Variants in IVD observed in about 807,000 individuals in gnomAD.
IVD encodes the protein isovaleryl-CoA dehydrogenase, also known as isovaleryl-CoA dehydrogenase, mitochondrial.
Under a neutral mutation model 51.3 loss-of-function variants are expected in IVD, and 31 were observed. The observed-to-expected ratio is 0.60, with a 90% CI of 0.45 to 0.81. IVD has a LOEUF of 0.81. Among genes scored for constraint, IVD ranks in the 40% least tolerant of loss-of-function variants. The pLI is 0.00. For missense variants in IVD, 475 were observed against 552.0 expected, an observed-to-expected ratio of 0.86 and a Z score of 1.40; for synonymous variants, 205 against 219.4, an observed-to-expected ratio of 0.93 and a Z score of 0.58.
intron 3 of IVD, among the ~76,000 whole-genome samples, chr15:40,409,284 C>T (rs952227474): frequency 9.2e-5 from 14 of 151,814 alleles, no homozygotes; most frequent in African/African-American, 3.1e-4. Context: ...TCCTATAATC[C>T]GAGTGACTCG....
intron 9 of IVD, 140 bp downstream of exon 9, chr15:40,415,622 C>T (rs1891585270): frequency 1.3e-6 from 1 of 754,606 alleles, no homozygotes. Flanking sequence ...ATGCAGTCTT[C>T]CTCAGCATGC....
chr15:40,421,417 C>G (rs1318643104), downstream of IVD: 1 of 984,414 alleles, frequency 1.0e-6, no homozygotes, highest in Non-Finnish European at 1.2e-6. Context: ...CACCAGCTGC[C>G]AGCACTGCTC....
At chr15:40,416,417 C>T (rs1026784126) in intron 11 of IVD, 55 bp downstream of exon 11, 1 of 1,556,236 alleles carries the variant, frequency 6.4e-7, no homozygotes, top group African/African-American at 1.4e-5. Context: ...GGGCCTGTGG[C>T]TGCTTCAGAA....
At chr15:40,416,535 C>T (rs901903769) in intron 11 of IVD, among the ~76,000 whole-genome samples, 173 bp downstream of exon 11, 17 of 152,160 alleles carry the variant, frequency 1.1e-4, no homozygotes, top group African/African-American at 4.1e-4. Context: ...GCCTGGCCAA[C>T]ATGGTGAAAC....
Position 40,405,804 on chromosome 15 carries a change from G to A in IVD, c.-24G>A, listed in dbSNP as rs776652609. The A allele has an allele frequency of 6.2e-7, 1 of 1,607,388 alleles. No homozygotes were observed. Among genetic ancestry groups the A allele is most frequent in the Non-Finnish European group, 8.5e-7 (1 of 1,175,012 alleles). On this transcript the variant is annotated 5_prime_UTR_variant, in exon 1 of 12. Transcript: ENST00000487418. ...AGCTAAGAGCTGGCTCAGTTTCAGC[G>A]CTGGCTCTTCGTGCATGGCAGAGAT...
rs1891584612 is a variant in IVD, at chr15:40,415,619, C to T, written c.960+137C>T. 3 of 770,910 alleles carry T rather than the reference C, an allele frequency of 3.9e-6. No homozygotes were observed. The Admixed American group carries it at 6.0e-5, about 15-fold the overall frequency. The allele number at this position is 770,910 out of a possible 1,614,324, so 47.8% of individuals were successfully genotyped here. On this transcript the variant is annotated intron_variant, in intron 9 of 11. Coordinates refer to ENST00000487418, the MANE Select transcript of IVD (RefSeq NM_002225.5). ...TGAGCTTGACTGCTTGGAATGCAGTCTTCCTCAGCATGCAGCCTGACTCTG... is the reference window on the plus strand; with the variant it reads ...TGAGCTTGACTGCTTGGAATGCAGTTTTCCTCAGCATGCAGCCTGACTCTG...
downstream of IVD, among the ~76,000 whole-genome samples, chr15:40,422,585 C>CTGTT (rs1892398793): frequency 1.4e-5 from 1 of 69,134 alleles, no homozygotes; most frequent in Non-Finnish European, 2.5e-5. Context: ...GCCCGGCCGA[C>CTGTT]TTTTTTTTTT....
Position 40,418,775 on chromosome 15 carries a change from G to A in IVD, c.*512G>A, listed in dbSNP as rs746020585. ...TAATCCTGAAATCTGAAACACTTGT[G>A]GTTCCAAGCATTTTGGATAAGGCAA... On this transcript the variant is annotated 3_prime_UTR_variant, in exon 12 of 12. Coordinates refer to ENST00000487418, the MANE Select transcript of IVD (RefSeq NM_002225.5). The A allele has an allele frequency of 9.1e-6, 10 of 1,093,106 alleles. No homozygotes were observed. Among genetic ancestry groups the A allele is most frequent in the Non-Finnish European group, 1.1e-5 (10 of 893,558 alleles). The allele number at this position is 1,093,106 out of a possible 1,614,324, so 67.7% of individuals were successfully genotyped here. A position where few individuals can be genotyped will look rare whatever the true frequency, so the allele number is the denominator to read the frequency against.
downstream of IVD, chr15:40,424,272 C>G (rs1160527033): frequency 1.0e-6 from 1 of 982,426 alleles, no homozygotes; most frequent in African/African-American, 1.7e-5. Flanking sequence ...GGGCCTTCCC[C>G]TTCTGCTGCT....
downstream of IVD, among the ~76,000 whole-genome samples, chr15:40,422,959 T>C (rs1285728531): frequency 6.6e-6 from 1 of 151,698 alleles, no homozygotes; most frequent in African/African-American, 2.4e-5. Context: ...TCTCACTCTG[T>C]CACCCAGTGC....
chr15:40,414,722 G>A, intron 7 of IVD, 167 bp from the exon 8 acceptor site: 1 of 1,193,624 alleles, frequency 8.4e-7, no homozygotes, highest in Non-Finnish European at 1.2e-6. Context: ...CTGACTGGAA[G>A]GGGTTCACTT....
downstream of IVD, among the ~76,000 whole-genome samples, chr15:40,429,112 T>A (rs1444445132): frequency 6.6e-6 from 1 of 152,074 alleles, no homozygotes; most frequent in Non-Finnish European, 1.5e-5. Flanking sequence ...TACAACTCAT[T>A]TCCCTGCTGC....
At chr15:40,409,789 C>G (rs1890848104) in intron 3 of IVD, among the ~76,000 whole-genome samples, 1 of 151,984 alleles carries the variant, frequency 6.6e-6, no homozygotes. Flanking sequence ...TCAAGATTTT[C>G]CCTGAGGCTG....
chr15:40,425,890 G>C (rs969232571), downstream of IVD, among the ~76,000 whole-genome samples: 1 of 151,864 alleles, frequency 6.6e-6, no homozygotes, highest in Admixed American at 6.6e-5. Flanking sequence ...ACTAACTGCA[G>C]CCTTGACCTC....
At chr15:40,418,025 A>C in intron 11 of IVD, 105 bp from the exon 12 acceptor site, 1 of 1,451,964 alleles carries the variant, frequency 6.9e-7, no homozygotes, top group Non-Finnish European at 9.4e-7. Context: ...CTTTTCTTTA[A>C]TCACCCTCTC....
At chr15:40,408,061 G>A in intron 3 of IVD, 71 bp downstream of exon 3, 1 of 1,405,514 alleles carries the variant, frequency 7.1e-7, no homozygotes, top group Non-Finnish European at 1.0e-6. Flanking sequence ...AAAAGAAGCA[G>A]GAAGGGAAGG....
At chr15:40,415,357 G>T in intron 8 of IVD, 44 bp from the exon 9 acceptor site, 1 of 1,538,756 alleles carries the variant, frequency 6.5e-7, no homozygotes, top group Non-Finnish European at 9.0e-7. Context: ...ACACCCGGTG[G>T]TGGGATGAGG....
intron 8 of IVD, among the ~76,000 whole-genome samples, chr15:40,434,883 C>A (rs1262106261): frequency 6.6e-6 from 1 of 152,226 alleles, no homozygotes; most frequent in Non-Finnish European, 1.5e-5. Flanking sequence ...ACACCCCTTA[C>A]TATTGAACCT....
rs774472099 is a variant in IVD, at chr15:40,416,280, C to T, written c.1066-10C>T. 9 of 1,614,248 alleles carry T rather than the reference C, an allele frequency of 5.6e-6. No individual in the cohort carries two copies. In the Admixed American group the frequency reaches 1.5e-4, roughly 27 times the overall value. ...CGCAGGGCCCTGCTGACCCCAGCTT[C>T]CTCCCGTAGGACTGTGCAGGTGTGA... is the stretch of plus-strand genomic sequence containing the variant. On this transcript the variant is annotated splice_polypyrimidine_tract_variant and intron_variant, in intron 10 of 11. Transcript: ENST00000487418.
Sources: gnomAD v4.1 joint callset for allele counts (sites outside exome capture counted in the v4.1 genomes callset) on GRCh38, gnomAD v4.1.1 for gene constraint, MANE v1.5 for transcripts, NCBI Gene and HGNC (gene_info 2026-07-23, HGNC 2026-07-21) for gene names.